The following GAD1 variants were observed in gnomAD, a reference collection of about 807,000 sequenced individuals.
The protein encoded by GAD1 is 67 kDa glutamic acid decarboxylase.
A neutral mutation model predicts 75.2 loss-of-function variants in GAD1; 35 were observed. The observed-to-expected ratio is 0.47, with a 90% CI of 0.36 to 0.62. The LOEUF is 0.62. GAD1 is among the 20% of genes least tolerant of loss of function. The pLI, the probability that GAD1 is intolerant of heterozygous loss-of-function variation, is 0.00. For synonymous variants in GAD1, 257 were observed against 271.9 expected, an observed-to-expected ratio of 0.95 and a Z score of 0.54; for missense variants, 490 against 758.5, an observed-to-expected ratio of 0.65 and a Z score of 4.16.
intron 2 of GAD1, among the ~76,000 whole-genome samples, chr2:170,819,406 C>A (rs577609924): frequency 5.3e-5 from 8 of 151,958 alleles, no homozygotes; most frequent in Admixed American, 6.6e-5. Flanking sequence ...CACCTCTCTC[C>A]TTATCCCAGG....
At chr2:170,854,161 C>A in intron 14 of GAD1, 139 bp downstream of exon 14, 1 of 894,850 alleles carries the variant, frequency 1.1e-6, no homozygotes, top group African/African-American at 1.6e-5. Flanking sequence ...ACTGTGTTTT[C>A]TTTGTGAATG....
In GAD1 at chr2:170,853,637, T is replaced by C. The variant is rs1702792898; in HGVS notation, c.1264-236T>C. On this transcript the variant is annotated intron_variant, in intron 13 of 16. Transcript: ENST00000358196. This position sits in a 1 kb window ranked among gnomAD's most constrained non-coding sequence, Gnocchi z 4.1. The stretch of plus-strand genomic sequence containing the variant: ...CCATACACATTTCCCCTTAGAGGGA[T>C]GGCATCTGAGACGGAAAGATCATCT... 4.0e-6 allele frequency: 2 copies of C among 506,152 alleles called. No individual in the cohort carries two copies. Among genetic ancestry groups the C allele is most frequent in the South Asian group, 4.0e-5 (2 of 49,836 alleles). The allele number at this position is 506,152 out of a possible 1,614,324, so 31.4% of individuals were successfully genotyped here.
chr2:170,852,841 A>G (rs778188456), intron 13 of GAD1, 49 bp downstream of exon 13: 4 of 1,537,652 alleles, frequency 2.6e-6, no homozygotes, highest in Non-Finnish European at 3.6e-6. Context: ...TTCTTTAGAA[A>G]GCACAAAAAG....
chr2:170,836,787 A>G lies in GAD1; in HGVS notation c.548-6A>G. On this transcript the variant is annotated splice_region_variant and splice_polypyrimidine_tract_variant and intron_variant, in intron 5 of 16. Coordinates refer to ENST00000358196, the MANE Select transcript of GAD1 (RefSeq NM_000817.3). ...TTGCCTTGATGCTTTTCTGTTTCCT[A>G]TCTAGGTCATCCTCGATTTTTCAAC... The G allele has an allele frequency of 1.2e-6, 2 of 1,609,120 alleles. No individual in the cohort carries two copies. Among genetic ancestry groups the G allele is most frequent in the Admixed American group, 1.7e-5 (1 of 60,008 alleles).
intron 6 of GAD1, among the ~76,000 whole-genome samples, chr2:170,840,163 C>A (rs563413234): frequency 1.3e-5 from 2 of 152,322 alleles, no homozygotes; most frequent in African/African-American, 4.8e-5. Context: ...ATCCATCCTA[C>A]AGAGTGGTTC....
intron 6 of GAD1, among the ~76,000 whole-genome samples, chr2:170,839,613 CAA>C (rs201762496): frequency 1.6e-4 from 16 of 101,744 alleles, no homozygotes; most frequent in Admixed American, 1.1e-4. Context: ...GACTCCATCT[CAA>C]AAAAAAAAAA....
intron 6 of GAD1, among the ~76,000 whole-genome samples, chr2:170,842,198 C>CT (rs1702532390): frequency 6.6e-6 from 1 of 152,150 alleles, no homozygotes; most frequent in Non-Finnish European, 1.5e-5. Context: ...GGGACCTATG[C>CT]CTGATATTCA....
At chr2:170,815,483 T>C (rs1329894657), upstream of GAD1, among the ~76,000 whole-genome samples, 1 of 152,128 alleles carries the variant, frequency 6.6e-6, no homozygotes, top group Admixed American at 6.5e-5. Flanking sequence ...TATGGAACTC[T>C]CGGTAATTTA....
chr2:170,832,070 C>A (rs1457531002), intron 5 of GAD1, among the ~76,000 whole-genome samples: 1 of 152,100 alleles, frequency 6.6e-6, no homozygotes, highest in African/African-American at 2.4e-5. Flanking sequence ...AGGTCTATTT[C>A]ATTCTGATAA....
chr2:170,834,276 A>G (rs992013208), intron 5 of GAD1, among the ~76,000 whole-genome samples: 1 of 152,240 alleles, frequency 6.6e-6, no homozygotes. Context: ...ATAAGGAGCA[A>G]TAGGGTAAAC....
chr2:170,848,780 TA>T (rs1702690641), intron 11 of GAD1: 1 of 519,038 alleles, frequency 1.9e-6, no homozygotes, highest in Non-Finnish European at 3.8e-6. Context: ...AACTATTCAG[TA>T]AACATGCATC....
intron 5 of GAD1, among the ~76,000 whole-genome samples, chr2:170,835,753 T>C (rs888356674): frequency 6.6e-6 from 1 of 152,224 alleles, no homozygotes; most frequent in African/African-American, 2.4e-5. Flanking sequence ...GGATATTGCA[T>C]ATATATTTTA....
At chr2:170,814,023 A>T (rs1192549319), upstream of GAD1, among the ~76,000 whole-genome samples, 1 of 151,926 alleles carries the variant, frequency 6.6e-6, no homozygotes, top group African/African-American at 2.4e-5. Flanking sequence ...ACCCCTCATC[A>T]CCGGTTCGAG....
chr2:170,840,765 A>C (rs1702500096), intron 6 of GAD1, among the ~76,000 whole-genome samples: 1 of 152,190 alleles, frequency 6.6e-6, no homozygotes, highest in Non-Finnish European at 1.5e-5. Flanking sequence ...ATTTCCATAA[A>C]GCCTCTTTAG....
chr2:170,826,528 A>G (rs1702028883), intron 3 of GAD1, among the ~76,000 whole-genome samples: 1 of 146,938 alleles, frequency 6.8e-6, no homozygotes, highest in East Asian at 2.0e-4. Context: ...AGATCATGCC[A>G]CTGCACTCCA....
chr2:170,815,198 T>C (rs45511796), upstream of GAD1, among the ~76,000 whole-genome samples: 2 of 152,076 alleles, frequency 1.3e-5, no homozygotes, highest in Admixed American at 1.3e-4. Context: ...GCCGGTTGAG[T>C]GGTTTGGGGG....
upstream of GAD1, among the ~76,000 whole-genome samples, chr2:170,815,564 C>T (rs572390906): frequency 6.6e-6 from 1 of 152,240 alleles, no homozygotes; most frequent in East Asian, 1.9e-4. Context: ...AACGGACGGG[C>T]CTCCGCTGAA....
intron 5 of GAD1, among the ~76,000 whole-genome samples, chr2:170,832,676 A>G (rs1042654341): frequency 1.1e-3 from 173 of 151,812 alleles, no homozygotes; most frequent in African/African-American, 3.8e-3. Context: ...ACACACACAC[A>G]CACACACACA....
chr2:170,824,385 AC>A (rs1269926058), intron 3 of GAD1, among the ~76,000 whole-genome samples: 69 of 39,936 alleles, frequency 1.7e-3, no homozygotes, highest in African/African-American at 4.9e-3. Context: ...GCCTACACAC[AC>A]ACACACACAC....
Sources: gnomAD v4.1 joint callset for allele counts (sites outside exome capture counted in the v4.1 genomes callset) on GRCh38, gnomAD v4.1.1 for gene constraint, Gnocchi (gnomAD v3.1) non-coding constraint, MANE v1.5 for transcripts, NCBI Gene and HGNC (gene_info 2026-07-23, HGNC 2026-07-21) for gene names.